PDZD2: variants seen among roughly 807,000 people sequenced by gnomAD.
PDZD2 encodes the protein PDZ domain-containing protein 2.
PDZD2 carries 90 observed loss-of-function variants against 220.7 expected under a neutral mutation model. The ratio of observed to expected loss-of-function variants is 0.41; its 90% CI spans 0.34 to 0.49. PDZD2 has a LOEUF of 0.49. Among genes scored for constraint, PDZD2 ranks in the 20% least tolerant of loss-of-function variants. PDZD2 has a pLI of 0.28. For synonymous variants in PDZD2, 1,375 were observed against 1,450.5 expected (o/e 0.95, Z 1.18); for missense variants, 3,174 against 3,608.5 (o/e 0.88, Z 3.08).
At chr5:31,828,707 C>A (rs920867862) in intron 2 of PDZD2, among the ~76,000 whole-genome samples, 2 of 152,170 alleles carry the variant, frequency 1.3e-5, no homozygotes, top group African/African-American at 4.8e-5. Context: ...TGCTGTGTTT[C>A]CCATACTGGT....
At chr5:31,736,976 A>G (rs917915186) in intron 1 of PDZD2, among the ~76,000 whole-genome samples, 4 of 73,956 alleles carry the variant, frequency 5.4e-5, no homozygotes, top group African/African-American at 1.7e-4. Flanking sequence ...AGGCCTCCCC[A>G]GAAGCAGATG....
At chr5:32,071,443 G>A (rs777517358) in intron 16 of PDZD2, 25 bp downstream of exon 16, 7 of 1,577,660 alleles carry the variant, frequency 4.4e-6, no homozygotes, top group Non-Finnish European at 6.1e-6. Context: ...ACTGCTACCT[G>A]CCTCCCTCAG....
At chr5:31,908,432 T>A in intron 2 of PDZD2, 1 of 570,646 alleles carries the variant, frequency 1.8e-6, no homozygotes, top group South Asian at 2.1e-5. Flanking sequence ...TCAGACTGGC[T>A]GTGCGTGGAA....
chr5:31,692,001 G>T (rs1747155340), intron 1 of PDZD2, among the ~76,000 whole-genome samples: 1 of 152,232 alleles, frequency 6.6e-6, no homozygotes, highest in African/African-American at 2.4e-5. Context: ...CCAGTCCTGT[G>T]CCCTGCACCC....
intron 21 of PDZD2, among the ~76,000 whole-genome samples, chr5:32,097,008 G>A (rs1743778178): frequency 6.6e-6 from 1 of 151,682 alleles, no homozygotes; most frequent in Admixed American, 6.6e-5. Context: ...GCTGATTTTT[G>A]TAGAGACAGG....
chr5:32,106,603 C>T (rs992116586), intron 24 of PDZD2: 11 of 152,188 alleles, frequency 7.2e-5, no homozygotes. Context: ...AGATTTGAGA[C>T]CAAACCCAGT....
intron 2 of PDZD2, among the ~76,000 whole-genome samples, chr5:31,862,263 C>T (rs553779388): frequency 6.6e-6 from 1 of 151,162 alleles, no homozygotes; most frequent in African/African-American, 2.4e-5. Flanking sequence ...CTCCACCACA[C>T]CCGGCTAATT....
At chr5:32,031,525 T>C (rs989604938) in intron 6 of PDZD2, among the ~76,000 whole-genome samples, 1 of 152,182 alleles carries the variant, frequency 6.6e-6, no homozygotes, top group African/African-American at 2.4e-5. Flanking sequence ...AGGGCTTTTT[T>C]CCCCATCTTC....
chr5:32,024,335 C>T (rs183149584), intron 6 of PDZD2, among the ~76,000 whole-genome samples: 5 of 152,252 alleles, frequency 3.3e-5, no homozygotes, highest in Admixed American at 3.3e-4. Flanking sequence ...AAGCGCTTAG[C>T]TAAGATGGAA....
At chr5:31,999,995 C>G in intron 4 of PDZD2, 144 bp from the exon 5 acceptor site, 1 of 650,976 alleles carries the variant, frequency 1.5e-6, no homozygotes, top group South Asian at 1.9e-5. Context: ...AATCGCATCC[C>G]CAACTGCCTC....
chr5:31,934,972 A>G (rs1745594317), intron 2 of PDZD2, among the ~76,000 whole-genome samples: 1 of 152,050 alleles, frequency 6.6e-6, no homozygotes, highest in South Asian at 2.1e-4. Context: ...CTGTAATCCC[A>G]GCTACTCCAG....
intron 2 of PDZD2, among the ~76,000 whole-genome samples, chr5:31,834,432 CA>C (rs1334327921): frequency 5.3e-5 from 8 of 152,104 alleles, no homozygotes. Flanking sequence ...GATGAAGTGG[CA>C]AAAAGTTTCT....
At chr5:31,821,172 A>C (rs1317568197) in intron 2 of PDZD2, among the ~76,000 whole-genome samples, 1 of 152,038 alleles carries the variant, frequency 6.6e-6, no homozygotes, top group Non-Finnish European at 1.5e-5. Flanking sequence ...TTCAGATCTT[A>C]GGATGATGTC....
intron 1 of PDZD2, among the ~76,000 whole-genome samples, chr5:31,659,206 T>C (rs566926129): frequency 3.3e-5 from 5 of 152,310 alleles, no homozygotes; most frequent in African/African-American, 1.2e-4. Flanking sequence ...TTTAATTTAC[T>C]TTTGCAAAAC....
chr5:31,689,483 C>G (rs1747033874), intron 1 of PDZD2, among the ~76,000 whole-genome samples: 1 of 150,504 alleles, frequency 6.6e-6, no homozygotes, highest in African/African-American at 2.4e-5. Context: ...TGTGAGCCAC[C>G]ACGCCCAGCC....
At chr5:31,703,957 T>TTCTCTCTCTCTC (rs10652328) in intron 1 of PDZD2, among the ~76,000 whole-genome samples, 1 of 149,376 alleles carries the variant, frequency 6.7e-6, no homozygotes. Flanking sequence ...TTCTCTCTCT[T>TTCTCTCTCTCTC]TCTCTCTCTC....
intron 2 of PDZD2, among the ~76,000 whole-genome samples, chr5:31,820,366 A>G (rs1235399414): frequency 6.6e-6 from 1 of 151,480 alleles, no homozygotes; most frequent in Non-Finnish European, 1.5e-5. Context: ...ATGTTTTTAC[A>G]TAAAAGTGGA....
At chr5:31,716,253 C>T (rs1161701039) in intron 1 of PDZD2, among the ~76,000 whole-genome samples, 1 of 152,216 alleles carries the variant, frequency 6.6e-6, no homozygotes, top group Non-Finnish European at 1.5e-5. Flanking sequence ...ATTCAGCCAT[C>T]TGTTTTAAAA....
At chr5:31,654,516 A>G (rs1460045998) in intron 1 of PDZD2, among the ~76,000 whole-genome samples, 1 of 152,054 alleles carries the variant, frequency 6.6e-6, no homozygotes, top group Non-Finnish European at 1.5e-5. Context: ...CACCGATCTT[A>G]TCTCCATCCT....
Sources: gnomAD v4.1 joint callset for allele counts (sites outside exome capture counted in the v4.1 genomes callset) on GRCh38, gnomAD v4.1.1 for gene constraint, MANE v1.5 for transcripts, NCBI Gene and HGNC (gene_info 2026-07-23, HGNC 2026-07-21) for gene names.